Variants in SPTBN4 observed in about 807,000 individuals in gnomAD.
The protein encoded by SPTBN4 is spectrin beta, non-erythrocytic 4.
Under a neutral mutation model 277.8 loss-of-function variants are expected in SPTBN4, and 96 were observed. The ratio of observed to expected loss-of-function variants is 0.35; its 90% CI spans 0.29 to 0.41. SPTBN4 has a LOEUF of 0.41. Among genes scored for constraint, SPTBN4 ranks in the 10% least tolerant of loss-of-function variants. SPTBN4 has a pLI of 1.00. For synonymous variants in SPTBN4, 1,481 were observed against 1,580.3 expected (o/e 0.94, Z 1.49); for missense variants, 3,006 against 3,595.7 (o/e 0.84, Z 4.19).
chr19:40,540,583 A>C (rs749828571), intron 20 of SPTBN4, among the ~76,000 whole-genome samples: 2 of 151,858 alleles, frequency 1.3e-5, no homozygotes, highest in Non-Finnish European at 1.5e-5. Flanking sequence ...GATTGGGCAC[A>C]GTGGCTCATG....
chr19:40,511,154 C>G (rs529968665), intron 13 of SPTBN4, among the ~76,000 whole-genome samples: 1 of 152,208 alleles, frequency 6.6e-6, no homozygotes, highest in Admixed American at 6.5e-5. Context: ...GCCTGTAATC[C>G]CAGCATTTTA....
Position 40,523,530 on chromosome 19 carries a change from C to T in SPTBN4, c.3748C>T (p.Leu1250=), listed in dbSNP as rs2080553840. ...CCGTGACTTTCTCACCACCATGGAG[C>T]TGAGCCAGCAAAAGATGCAGGTGGC... is the stretch of plus-strand genomic sequence containing the variant. ...QHRDFLTTME[L]SQQKMQVAVQ... The change falls in exon 17 of 36, where the codon CTG becomes TTG. Residue 1250 remains leucine, a synonymous_variant. Coordinates refer to ENST00000598249, the MANE Select transcript of SPTBN4 (RefSeq NM_020971.3). 1 of 1,614,074 alleles carries T rather than the reference C, an allele frequency of 6.2e-7. No homozygotes were observed. The highest frequency in any genetic ancestry group is 1.3e-5 in the African/African-American group (1 of 74,944).
chr19:40,503,744 G>C, intron 11 of SPTBN4, 86 bp from the exon 12 acceptor site: 1 of 1,409,552 alleles, frequency 7.1e-7, no homozygotes, highest in Non-Finnish European at 9.5e-7. Flanking sequence ...AGGTAATGGA[G>C]TGGGGAGTCC....
chr19:40,476,651 T>C (rs1364027517), intron 2 of SPTBN4, among the ~76,000 whole-genome samples: 1 of 151,954 alleles, frequency 6.6e-6, no homozygotes, highest in Non-Finnish European at 1.5e-5. Flanking sequence ...GCAGTGACAC[T>C]ATCTCGGCTC....
intron 13 of SPTBN4, among the ~76,000 whole-genome samples, chr19:40,509,224 T>G (rs545290244): frequency 1.3e-5 from 2 of 151,854 alleles, no homozygotes; most frequent in Non-Finnish European, 2.9e-5. Context: ...CCCTGGCCAT[T>G]TCTGTGAGAT....
At chr19:40,494,422 C>A (rs1176805046) in intron 5 of SPTBN4, among the ~76,000 whole-genome samples, 2 of 150,418 alleles carry the variant, frequency 1.3e-5, no homozygotes, top group Non-Finnish European at 3.0e-5. Flanking sequence ...CTCTCTCCTT[C>A]CTCTCTCTCT....
chr19:40,483,887 G>A (rs534950165), intron 2 of SPTBN4, among the ~76,000 whole-genome samples: 11 of 151,762 alleles, frequency 7.2e-5, no homozygotes, highest in South Asian at 6.3e-4. Context: ...TCGGGACCCC[G>A]GTTTTCACAT....
At position 40,502,882 on chromosome 19, in the gene SPTBN4, G is replaced by T; in HGVS notation, c.1311G>T (p.Lys437Asn). 6.2e-7 allele frequency: 1 copy of T among 1,613,946 alleles called. No homozygotes were observed. The highest frequency in any genetic ancestry group is 8.5e-7 in the Non-Finnish European group (1 of 1,180,022). ...LELLAQRFDH[K>N]VAMRESWLNE... ...TACTGGCACAGAGGTTTGACCACAA[G>T]GTGGCTATGAGGGAGAGCTGGCTGA... The change falls in exon 11 of 36, where the codon AAG becomes AAT. Residue 437 changes from lysine (K) to asparagine (N), a missense_variant. Lys to Asn is a moderately conservative substitution (Grantham distance 94). Transcript: ENST00000598249. The surrounding 1 kb of genome is among the most constrained non-coding windows in gnomAD (Gnocchi z 4.9).
intron 20 of SPTBN4, among the ~76,000 whole-genome samples, chr19:40,540,492 T>C (rs1043951556): frequency 2.6e-5 from 4 of 151,940 alleles, no homozygotes; most frequent in African/African-American, 9.7e-5. Flanking sequence ...TCCTCCTGCC[T>C]TAGCCCCTCA....
In SPTBN4 at chr19:40,570,553, C is replaced by G; in HGVS notation, c.7144C>G (p.Arg2382Gly). The change falls in exon 33 of 36, where the codon CGG (arginine) becomes GGG (glycine). Residue 2382 changes from arginine (R) to glycine (G), a missense_variant. Transcript: ENST00000598249. The stretch of plus-strand genomic sequence containing the variant: ...GGCGCGGGACCGGCCCAAGCCGCGA[C>G]GGCGGCCGCGGCCCAGAGAGGGTGG... ...PRARDRPKPR[R>G]RPRPREGGEG... 1.5e-6 allele frequency: 2 copies of G among 1,355,254 alleles called. No individual in the cohort carries two copies. The highest frequency in any genetic ancestry group is 1.8e-5 in the South Asian group (1 of 54,482). 84.0% of individuals were successfully genotyped at this position (1,355,254 alleles called of 1,614,324 possible).
chr19:40,534,012 C>T, intron 19 of SPTBN4, 68 bp from the exon 20 acceptor site: 4 of 1,505,624 alleles, frequency 2.7e-6, no homozygotes, highest in Non-Finnish European at 2.7e-6. Context: ...CACTCTCCCA[C>T]ACTTCTCTGA....
chr19:40,556,066 C>A lies in SPTBN4; in HGVS notation c.5085-18C>A, dbSNP rs2080975152. 4 of 1,603,430 alleles carry A rather than the reference C, an allele frequency of 2.5e-6. No individual in the cohort carries two copies. Among genetic ancestry groups the A allele is most frequent in the Admixed American group, 1.7e-5 (1 of 59,436 alleles). ...AAGTCTCAGGGGTCCATCCCTGCCC[C>A]TCCATGTCCCCCTTCAGCGAGCAGA... On this transcript the variant is annotated intron_variant, in intron 24 of 35. Coordinates refer to ENST00000598249, the MANE Select transcript of SPTBN4 (RefSeq NM_020971.3).
chr19:40,507,910 C>T (rs1340950861), intron 13 of SPTBN4, among the ~76,000 whole-genome samples: 1 of 152,228 alleles, frequency 6.6e-6, no homozygotes, highest in Non-Finnish European at 1.5e-5. Context: ...CACTGTTGAG[C>T]AGTCCTGTCC....
rs146550558 is a variant in SPTBN4 at position 40,566,285 on chromosome 19, C to T, written c.6262C>T (p.Arg2088Trp). 5.7e-6 allele frequency: 9 copies of T among 1,591,234 alleles called. No homozygotes were observed. The highest frequency in any genetic ancestry group is 2.3e-5 in the South Asian group (2 of 87,412). ...CGTGGATGAGGTGGAGCAGCTTATCCGGCGACATGAGGCCTTCCGCAAAGC... is the reference window on the plus strand; with the variant it reads ...CGTGGATGAGGTGGAGCAGCTTATCTGGCGACATGAGGCCTTCCGCAAAGC... ...SSVDEVEQLIRRHEAFRKAAA... is the reference protein window; with the variant it reads ...SSVDEVEQLIWRHEAFRKAAA... Residue 2088 changes from arginine to tryptophan, a missense_variant, in exon 30 of 36, where the codon CGG becomes TGG. Physicochemically the swap from Arg to Trp is moderately radical, Grantham distance 101. This residue lies in a region of SPTBN4 where 425 missense variants were observed against 594.7 expected (regional missense o/e 0.71). Coordinates refer to ENST00000598249, the MANE Select transcript of SPTBN4 (RefSeq NM_020971.3).
At chr19:40,553,767 C>T (rs1257703661) in intron 22 of SPTBN4, among the ~76,000 whole-genome samples, 1 of 152,082 alleles carries the variant, frequency 6.6e-6, no homozygotes, top group Non-Finnish European at 1.5e-5. Context: ...TGCACTCTAC[C>T]GTATACAAAT....
In SPTBN4 at chr19:40,519,947, G is replaced by T; in HGVS notation, c.3450G>T (p.Val1150=). Reference sequence around the variant, plus strand: ...GCGAGGAAGACTATGCTCGCATCGTGGCGGCCAGCGAGGCGCTGCTGGCCG... The same window carrying T: ...GCGAGGAAGACTATGCTCGCATCGTTGCGGCCAGCGAGGCGCTGCTGGCCG... ...DQREEDYARI[V]AASEALLAAD... Residue 1150 remains valine (V), a synonymous_variant, in exon 16 of 36, where the codon GTG becomes GTT. Coordinates refer to ENST00000598249, the MANE Select transcript of SPTBN4 (RefSeq NM_020971.3). This position sits in a 1 kb window ranked among gnomAD's most constrained non-coding sequence, Gnocchi z 5.7. The T allele has an allele frequency of 6.5e-7, 1 of 1,546,020 alleles. No individual in the cohort carries two copies. The highest frequency in any genetic ancestry group is 8.7e-7 in the Non-Finnish European group (1 of 1,154,436).
chr19:40,538,648 C>T (rs897672972), intron 20 of SPTBN4, among the ~76,000 whole-genome samples: 12 of 152,132 alleles, frequency 7.9e-5, no homozygotes, highest in African/African-American at 2.4e-4. Flanking sequence ...AGTGCAATGG[C>T]GTGATCATGG....
At position 40,523,613 on chromosome 19, in the gene SPTBN4, G is replaced by C; in HGVS notation, c.3831G>C (p.Gln1277His). The change falls in exon 17 of 36, where the codon CAG becomes CAC. Residue 1277 changes from glutamine to histidine, a missense_variant. Coordinates refer to ENST00000598249, the MANE Select transcript of SPTBN4 (RefSeq NM_020971.3). ...RQGNIYGEQA[Q>H]EAVTRLLEKN... Reference sequence around the variant, plus strand: ...GCAACATCTACGGGGAGCAGGCTCAGGAGGCTGTGACCCGGCTGCTGGAGA... The same window carrying C: ...GCAACATCTACGGGGAGCAGGCTCACGAGGCTGTGACCCGGCTGCTGGAGA... 6.2e-7 allele frequency: 1 copy of C among 1,613,220 alleles called. No individual in the cohort carries two copies. The highest frequency in any genetic ancestry group is 8.5e-7 in the Non-Finnish European group (1 of 1,179,350).
At chr19:40,491,756 C>T (rs955713974) in intron 4 of SPTBN4, among the ~76,000 whole-genome samples, 1 of 137,300 alleles carries the variant, frequency 7.3e-6, no homozygotes, top group Non-Finnish European at 1.5e-5. Context: ...GGCTTGGTGG[C>T]TCATGCCTGT....
Sources: gnomAD v4.1 joint callset for allele counts (sites outside exome capture counted in the v4.1 genomes callset) on GRCh38, gnomAD v4.1.1 for gene constraint, gnomAD v4.1.1 regional missense constraint, Gnocchi (gnomAD v3.1) non-coding constraint, MANE v1.5 for transcripts, NCBI Gene and HGNC (gene_info 2026-07-23, HGNC 2026-07-21) for gene names.